The following THOC7 variants were observed in gnomAD, a reference collection of about 807,000 sequenced individuals.
The protein encoded by THOC7 is THO complex subunit 7.
THOC7 carries 22 observed loss-of-function variants against 33.1 expected under a neutral mutation model. The observed-to-expected ratio is 0.66, with a 90% CI of 0.47 to 0.95. THOC7 has a LOEUF of 0.95. Ranked by LOEUF, THOC7 falls within the 40% of genes least tolerant of loss-of-function variation. The probability of loss-of-function intolerance (pLI) is 0.00; values close to 1 mark genes in which losing one functional copy is unlikely to be tolerated. For synonymous variants in THOC7, 77 were observed against 76.8 expected, an observed-to-expected ratio of 1.00 and a Z score of -0.01; for missense variants, 184 against 245.3, an observed-to-expected ratio of 0.75 and a Z score of 1.67.
intron 1 of THOC7, among the ~76,000 whole-genome samples, chr3:63,843,164 G>A (rs1448806656): frequency 6.6e-6 from 1 of 151,798 alleles, no homozygotes; most frequent in Non-Finnish European, 1.5e-5. Flanking sequence ...TTTCATCCAG[G>A]CTAGAGTACA....
At chr3:63,859,122 TCTTCCAC>T (rs1575816669) in intron 1 of THOC7, among the ~76,000 whole-genome samples, 1 of 152,226 alleles carries the variant, frequency 6.6e-6, no homozygotes, top group African/African-American at 2.4e-5. Flanking sequence ...TCCACTTCTA[TCTTCCAC>T]ACTAACATCG....
At chr3:63,846,854 G>C (rs552636782) in intron 1 of THOC7, among the ~76,000 whole-genome samples, 1 of 152,192 alleles carries the variant, frequency 6.6e-6, no homozygotes, top group East Asian at 1.9e-4. Flanking sequence ...AGTCCCGTCC[G>C]ATCTACTTAT....
In THOC7 at chr3:63,836,157, G is replaced by C. The variant is rs183271091; in HGVS notation, c.410+144C>G. On this transcript the variant is annotated intron_variant, in intron 5 of 7. Transcript: ENST00000295899. ...GGTTAGAGGAAAATAAAATCTAACA[G>C]AGAAGTATGGGAAAATATAATATTG... is the stretch of plus-strand genomic sequence containing the variant. The C allele has an allele frequency of 6.4e-5, 43 of 674,496 alleles. No individual in the cohort carries two copies. In the East Asian group the frequency reaches 1.1e-3, roughly 18 times the overall value. 41.8% of individuals were successfully genotyped at this position (674,496 alleles called of 1,614,324 possible).
chr3:63,852,405 T>C (rs1702037033), intron 1 of THOC7, among the ~76,000 whole-genome samples: 2 of 152,182 alleles, frequency 1.3e-5, no homozygotes, highest in African/African-American at 4.8e-5. Context: ...GGAGATTATC[T>C]TTTTATAGTA....
intron 2 of THOC7, among the ~76,000 whole-genome samples, chr3:63,839,173 GA>G (rs1290470922): frequency 2.0e-5 from 3 of 152,064 alleles, no homozygotes; most frequent in Non-Finnish European, 4.4e-5. Context: ...CTGAACAACA[GA>G]ATGAGACTCT....
chr3:63,861,091 A>G (rs561770897), intron 1 of THOC7: 28 of 152,356 alleles, frequency 1.8e-4, no homozygotes, highest in African/African-American at 6.0e-4. Context: ...GTTGGACTCA[A>G]TGCAAAGCCC....
At chr3:63,842,084 G>A (rs1466841872) in intron 1 of THOC7, among the ~76,000 whole-genome samples, 1 of 152,146 alleles carries the variant, frequency 6.6e-6, no homozygotes, top group African/African-American at 2.4e-5. Flanking sequence ...ATCTAAGAGA[G>A]ATTAAAGTTT....
At chr3:63,843,901 AG>A (rs1405009781) in intron 1 of THOC7, among the ~76,000 whole-genome samples, 1 of 151,894 alleles carries the variant, frequency 6.6e-6, no homozygotes, top group Non-Finnish European at 1.5e-5. Context: ...ACTCCGTCTC[AG>A]AAAAAAAAAA....
At chr3:63,850,096 T>C (rs1424178691) in intron 1 of THOC7, among the ~76,000 whole-genome samples, 1 of 152,196 alleles carries the variant, frequency 6.6e-6, no homozygotes, top group Non-Finnish European at 1.5e-5. Context: ...CTCTTACTCC[T>C]CTTAATTATT....
intron 1 of THOC7, among the ~76,000 whole-genome samples, chr3:63,852,922 G>A (rs531725935): frequency 1.3e-5 from 2 of 152,220 alleles, no homozygotes; most frequent in South Asian, 2.1e-4. Flanking sequence ...AGCCCAAGGT[G>A]GGCAGATCAC....
chr3:63,845,564 GA>G (rs1385511834), intron 1 of THOC7, among the ~76,000 whole-genome samples: 1 of 152,194 alleles, frequency 6.6e-6, no homozygotes, highest in Non-Finnish European at 1.5e-5. Context: ...CCATGAGGTG[GA>G]GGGGGACATG....
chr3:63,851,661 CTAAT>C, intron 1 of THOC7, among the ~76,000 whole-genome samples: 1 of 152,296 alleles, frequency 6.6e-6, no homozygotes, highest in South Asian at 2.1e-4. Context: ...CTCATGTTAA[CTAAT>C]TAGTTATTTT....
Position 63,837,972 on chromosome 3 carries a change from T to C in THOC7, c.352+4A>G. On this transcript the variant is annotated splice_donor_region_variant and intron_variant, in intron 4 of 7. Transcript: ENST00000295899. ...TTGCACATTAAATCCCTCAAAACCC[T>C]TACCTTGGCGATTTTTTCGTATTCG... The C allele has an allele frequency of 6.2e-7, 1 of 1,607,158 alleles. No individual in the cohort carries two copies. The highest frequency in any genetic ancestry group is 1.1e-5 in the South Asian group (1 of 89,686).
In THOC7 at chr3:63,842,402, A is replaced by T. The variant is rs1015287056; in HGVS notation, c.20-2629T>A. 2.6e-5 allele frequency among the ~76,000 whole-genome samples: 4 copies of T among 152,178 alleles called. No homozygotes were observed. In the South Asian group the frequency reaches 8.3e-4, roughly 32 times the overall value. The stretch of plus-strand genomic sequence containing the variant: ...TACAGGTATTATGGAAAACAAAATG[A>T]AGAGTCCTCAAAAAACTGAAAATAT... On this transcript the variant is annotated intron_variant, in intron 1 of 7. Transcript: ENST00000295899.
chr3:63,849,759 GCTTTT>G (rs1466755846), intron 1 of THOC7, among the ~76,000 whole-genome samples: 1 of 152,100 alleles, frequency 6.6e-6, no homozygotes, highest in African/African-American at 2.4e-5. Context: ...CATTGTTTTT[GCTTTT>G]CTTTTTTCTT....
At chr3:63,843,525 C>T (rs1430367981) in intron 1 of THOC7, among the ~76,000 whole-genome samples, 2 of 152,168 alleles carry the variant, frequency 1.3e-5, no homozygotes, top group African/African-American at 4.8e-5. Context: ...GAGGTATCTG[C>T]ACTCCAACGT....
intron 1 of THOC7, among the ~76,000 whole-genome samples, chr3:63,845,431 G>A (rs898867329): frequency 6.6e-6 from 1 of 152,136 alleles, no homozygotes; most frequent in African/African-American, 2.4e-5. Flanking sequence ...ACAGAAATAC[G>A]GGTTGCATCC....
At chr3:63,855,739 G>A (rs1702103376) in intron 1 of THOC7, among the ~76,000 whole-genome samples, 2 of 152,220 alleles carry the variant, frequency 1.3e-5, no homozygotes, top group Non-Finnish European at 2.9e-5. Context: ...TAAATTGCAG[G>A]TCAAATGTGG....
chr3:63,839,182 T>C (rs913215950), intron 2 of THOC7, among the ~76,000 whole-genome samples: 3 of 152,044 alleles, frequency 2.0e-5, no homozygotes, highest in African/African-American at 7.2e-5. Context: ...AGAATGAGAC[T>C]CTGTCTCACA....
Sources: allele counts gnomAD v4.1 joint callset (sites outside exome capture counted in the v4.1 genomes callset), GRCh38; gene constraint gnomAD v4.1.1; transcripts MANE v1.5; gene names NCBI Gene and HGNC (gene_info 2026-07-23, HGNC 2026-07-21).